Variants in NBAS observed in about 807,000 individuals in gnomAD.
NBAS encodes the protein NAG/BC035112 fusion.
In NBAS, 219 loss-of-function variants were observed where a neutral mutation model predicts 302.5. The observed-to-expected ratio is 0.72, with a 90% CI of 0.65 to 0.81. The LOEUF (loss-of-function observed/expected upper bound fraction) is 0.81, where lower values mean the gene tolerates loss of function less well. Among genes scored for constraint, NBAS ranks in the 30% least tolerant of loss-of-function variants. NBAS has a pLI of 0.00. For synonymous variants in NBAS, 1,118 were observed against 1,021.6 expected (o/e 1.09, Z -1.80); for missense variants, 2,932 against 2,841.6 (o/e 1.03, Z -0.72).
At chr2:14,878,309 T>C in the NBAS span, among the ~76,000 whole-genome samples, 4 of 152,182 alleles carry the variant, frequency 2.6e-5, no homozygotes, top group Admixed American at 2.6e-4. Flanking sequence ...TGCAACGCCA[T>C]TGCAGCAAAG....
chr2:15,332,106 C>T (rs1672381911), intron 35 of NBAS, among the ~76,000 whole-genome samples: 1 of 152,190 alleles, frequency 6.6e-6, no homozygotes, highest in Non-Finnish European at 1.5e-5. Flanking sequence ...ACACTGAGAA[C>T]AGCCATCAGG....
the NBAS span, among the ~76,000 whole-genome samples, chr2:15,092,905 C>G: frequency 6.6e-6 from 1 of 152,154 alleles, no homozygotes; most frequent in Non-Finnish European, 1.5e-5. Flanking sequence ...GAAGAAGAAG[C>G]AAGACAAATT....
chr2:15,279,271 T>C (rs774247178), intron 42 of NBAS, among the ~76,000 whole-genome samples: 1 of 152,140 alleles, frequency 6.6e-6, no homozygotes, highest in Non-Finnish European at 1.5e-5. Context: ...TTATAGATGA[T>C]AAATTGCCAT....
chr2:15,123,206 A>G, the NBAS span, among the ~76,000 whole-genome samples: 7 of 152,112 alleles, frequency 4.6e-5, no homozygotes, highest in African/African-American at 1.7e-4. Context: ...TTCTTATGTC[A>G]AACTAGATCC....
At chr2:15,241,714 G>T (rs966170251) in intron 44 of NBAS, among the ~76,000 whole-genome samples, 1 of 152,154 alleles carries the variant, frequency 6.6e-6, no homozygotes, top group African/African-American at 2.4e-5. Context: ...TTGACCAATG[G>T]ATAAAATACA....
At chr2:15,059,964 CAAAAAAAA>C in the NBAS span, among the ~76,000 whole-genome samples, 227 of 112,726 alleles carry the variant, frequency 2.0e-3, 4 homozygotes, top group African/African-American at 5.0e-3. Context: ...AAAAAAAAAA[CAAAAAAAA>C]AAACAAAAAA....
chr2:15,558,681 A>G (rs1664763953), intron 1 of NBAS, 47 bp from the exon 2 acceptor site: 3 of 1,370,266 alleles, frequency 2.2e-6, no homozygotes, highest in African/African-American at 2.9e-5. Flanking sequence ...TTCTAGTAGT[A>G]TTAGACCAGT....
chr2:15,362,084 G>A (rs919998927), intron 32 of NBAS, among the ~76,000 whole-genome samples: 3 of 151,938 alleles, frequency 2.0e-5, no homozygotes, highest in African/African-American at 7.3e-5. Flanking sequence ...GTTACAGGAA[G>A]GGTTGAATAA....
chr2:15,413,086 T>C (rs1272812515), intron 25 of NBAS, among the ~76,000 whole-genome samples: 1 of 152,230 alleles, frequency 6.6e-6, no homozygotes, highest in African/African-American at 2.4e-5. Context: ...CTTTCCCCAA[T>C]AAACCCTAAC....
chr2:15,087,239 C>T, the NBAS span, among the ~76,000 whole-genome samples: 2 of 150,968 alleles, frequency 1.3e-5, no homozygotes, highest in Non-Finnish European at 2.9e-5. Context: ...CACACACACA[C>T]ACACACACAC....
intron 42 of NBAS, among the ~76,000 whole-genome samples, chr2:15,284,392 T>G (rs1325360262): frequency 1.3e-5 from 2 of 152,152 alleles, no homozygotes; most frequent in African/African-American, 4.8e-5. Context: ...GACACACACC[T>G]AGAAGTGACA....
At chr2:14,889,593 CA>C in the NBAS span, among the ~76,000 whole-genome samples, 5 of 152,184 alleles carry the variant, frequency 3.3e-5, no homozygotes, top group Non-Finnish European at 7.3e-5. Flanking sequence ...TCCTACCATA[CA>C]GGGAGTTTTG....
the NBAS span, among the ~76,000 whole-genome samples, chr2:15,031,650 G>A: frequency 1.3e-5 from 2 of 152,198 alleles, no homozygotes; most frequent in East Asian, 1.9e-4. Flanking sequence ...TCGGAACCAT[G>A]AAGAGAGCTT....
At chr2:15,426,585 T>A (rs912497186) in intron 22 of NBAS, among the ~76,000 whole-genome samples, 1 of 152,192 alleles carries the variant, frequency 6.6e-6, no homozygotes, top group Admixed American at 6.5e-5. Context: ...CTATCACATT[T>A]TTAATGTCCT....
chr2:14,972,092 C>T, the NBAS span, among the ~76,000 whole-genome samples: 1 of 152,090 alleles, frequency 6.6e-6, no homozygotes, highest in East Asian at 1.9e-4. Context: ...AAATGTGGTA[C>T]ACATACACCA....
At chr2:14,856,063 T>G in the NBAS span, among the ~76,000 whole-genome samples, 1 of 152,112 alleles carries the variant, frequency 6.6e-6, no homozygotes, top group African/African-American at 2.4e-5. Context: ...TTTAGGTCAC[T>G]CAGAGCAGAG....
At chr2:14,911,246 A>G in the NBAS span, among the ~76,000 whole-genome samples, 3 of 152,206 alleles carry the variant, frequency 2.0e-5, no homozygotes, top group Non-Finnish European at 4.4e-5. Flanking sequence ...AAAAGTGGAA[A>G]TTGCACTAGT....
the NBAS span, among the ~76,000 whole-genome samples, chr2:14,826,349 C>T: frequency 1.3e-5 from 2 of 152,240 alleles, no homozygotes; most frequent in South Asian, 4.1e-4. Context: ...TAAACATTGA[C>T]TTTTATAACA....
At chr2:14,840,703 A>C in the NBAS span, among the ~76,000 whole-genome samples, 5 of 151,670 alleles carry the variant, frequency 3.3e-5, no homozygotes, top group East Asian at 9.8e-4. Context: ...AACGTAAATG[A>C]GAGAAAAAAT....
Sources: gnomAD v4.1 joint callset for allele counts (sites outside exome capture counted in the v4.1 genomes callset) on GRCh38, gnomAD v4.1.1 for gene constraint, MANE v1.5 for transcripts, NCBI Gene and HGNC (gene_info 2026-07-23, HGNC 2026-07-21) for gene names.